VANGL1: variants seen among roughly 807,000 people sequenced by gnomAD.
The protein encoded by VANGL1 is VANGL planar cell polarity protein 1, also known as vang-like protein 1.
In VANGL1, 18 loss-of-function variants were observed where a neutral mutation model predicts 48.4. The ratio of observed to expected loss-of-function variants is 0.37; its 90% CI spans 0.26 to 0.55. VANGL1 has a LOEUF of 0.55. VANGL1 is among the 20% of genes least tolerant of loss of function. The pLI, the probability that VANGL1 is intolerant of heterozygous loss-of-function variation, is 0.81. For missense variants in VANGL1, 667 were observed against 675.8 expected (o/e 0.99, Z 0.14); for synonymous variants, 257 against 261.8 (o/e 0.98, Z 0.18).
At position 115,664,090 on chromosome 1, in the gene VANGL1, C is replaced by T. The variant is rs568821247; in HGVS notation, c.634C>T (p.Arg212Trp). The T allele has an allele frequency of 3.2e-5, 51 of 1,614,124 alleles. No homozygotes were observed. The highest frequency in any genetic ancestry group is 2.0e-4 in the South Asian group (18 of 91,076). Residue 212 changes from arginine to tryptophan, a missense_variant, in exon 4 of 8, where the codon CGG becomes TGG. Transcript: ENST00000355485. ...LFYGVRILDS[R>W]DRNYQGIVQY... ...TTACGGGGTCCGCATTTTGGACTCT[C>T]GGGACCGGAATTACCAGGGCATTGT...
chr1:115,683,014 G>C (rs1438698192), intron 5 of VANGL1, among the ~76,000 whole-genome samples: 8 of 152,222 alleles, frequency 5.3e-5, no homozygotes, highest in Admixed American at 3.3e-4. Flanking sequence ...CAAGAAACAG[G>C]ATGCGGTGTC....
At chr1:115,661,621 G>T (rs1305481475) in intron 3 of VANGL1, among the ~76,000 whole-genome samples, 2 of 151,784 alleles carry the variant, frequency 1.3e-5, no homozygotes, top group Non-Finnish European at 2.9e-5. Context: ...TTTTGTTGTT[G>T]TTTGTTTGTT....
intron 4 of VANGL1, 71 bp downstream of exon 4, chr1:115,664,339 G>A (rs1254408385): frequency 2.2e-5 from 34 of 1,559,790 alleles, no homozygotes; most frequent in African/African-American, 1.1e-4. Flanking sequence ...TCTGTAGCAC[G>A]TGAGGGGTGG....
chr1:115,682,844 A>C (rs919725578), intron 5 of VANGL1, among the ~76,000 whole-genome samples: 3 of 152,186 alleles, frequency 2.0e-5, no homozygotes. Flanking sequence ...AAGCTACCTA[A>C]ATCATTAAGA....
intron 1 of VANGL1, among the ~76,000 whole-genome samples, chr1:115,643,021 T>G (rs1651794112): frequency 6.6e-6 from 1 of 152,236 alleles, no homozygotes; most frequent in Non-Finnish European, 1.5e-5. Flanking sequence ...AAACCAGGTC[T>G]AATGCCCACG....
In VANGL1 at chr1:115,691,715, A is replaced by G; in HGVS notation, c.*336A>G. ...TAATTCCTGCCTTTCGTCCAGTACC[A>G]AGTCCCCCGTTGCTTCTGGTCAGCC... On this transcript the variant is annotated 3_prime_UTR_variant, in exon 8 of 8. Coordinates refer to ENST00000355485, the MANE Select transcript of VANGL1 (RefSeq NM_138959.3). The G allele has an allele frequency of 3.9e-6, 1 of 254,214 alleles. No individual in the cohort carries two copies. Among genetic ancestry groups the G allele is most frequent in the South Asian group, 6.1e-5 (1 of 16,444 alleles). The allele number at this position is 254,214 out of a possible 1,614,324, so 15.7% of individuals were successfully genotyped here.
rs527544531 is a variant in VANGL1, at chr1:115,672,246, A to G, written c.812+7978A>G. Among the ~76,000 whole-genome samples the G allele has an allele frequency of 3.1e-3, 473 of 152,284 alleles. 3 individuals carry two copies. Among genetic ancestry groups the G allele is most frequent in the Middle Eastern group, 0.01 (3 of 294 alleles). On this transcript the variant is annotated intron_variant, in intron 4 of 7. Coordinates refer to ENST00000355485, the MANE Select transcript of VANGL1 (RefSeq NM_138959.3). The stretch of plus-strand genomic sequence containing the variant: ...CTTCCTTGGCGCTCTGGGATTAGAT[A>G]TCCTAGGCTGCCAATCTGCATGTTC...
Position 115,664,182 on chromosome 1 carries a change from G to C in VANGL1, c.726G>C (p.Glu242Asp). 1 of 1,614,070 alleles carries C rather than the reference G, an allele frequency of 6.2e-7. No individual in the cohort carries two copies. Residue 242 changes from glutamate to aspartate, a missense_variant, in exon 4 of 8, where the codon GAG (glutamate) becomes GAC (aspartate). Physicochemically the swap from Glu to Asp is conservative, Grantham distance 45 (BLOSUM62 2). Transcript: ENST00000355485. ...ATTACCTGGCCATCGTCCTGCTGGA[G>C]CTCAGGCAGCTGCAGCCCATGTTCA... Reference protein sequence around the residue: ...FIHYLAIVLLELRQLQPMFTL... With the variant: ...FIHYLAIVLLDLRQLQPMFTL...
chr1:115,657,129 T>G (rs1164415199), intron 2 of VANGL1, among the ~76,000 whole-genome samples: 1 of 152,226 alleles, frequency 6.6e-6, no homozygotes, highest in Non-Finnish European at 1.5e-5. Context: ...TCACAGTGGG[T>G]GCCTTTTGAA....
At chr1:115,662,308 T>C (rs1476377435) in intron 3 of VANGL1, among the ~76,000 whole-genome samples, 1 of 152,350 alleles carries the variant, frequency 6.6e-6, no homozygotes, top group Admixed American at 6.5e-5. Flanking sequence ...AAACTAGCTT[T>C]TTCTAAGTTG....
At chr1:115,660,284 A>G (rs144085870) in intron 3 of VANGL1, among the ~76,000 whole-genome samples, 169 of 152,294 alleles carry the variant, frequency 1.1e-3, no homozygotes, top group African/African-American at 4.0e-3. Context: ...GTTAACAGCA[A>G]TCTGTGCAGT....
intron 4 of VANGL1, among the ~76,000 whole-genome samples, chr1:115,681,969 A>G (rs991427932): frequency 2.6e-5 from 4 of 152,238 alleles, no homozygotes; most frequent in Admixed American, 2.6e-4. Flanking sequence ...TCTTTCACTC[A>G]TTAGCTCTGC....
intron 4 of VANGL1, among the ~76,000 whole-genome samples, chr1:115,679,676 C>T (rs918942504): frequency 4.6e-5 from 7 of 152,224 alleles, no homozygotes; most frequent in Non-Finnish European, 8.8e-5. Flanking sequence ...CTCCTTGCAG[C>T]CTCGCTGAAC....
At position 115,671,659 on chromosome 1, in the gene VANGL1, A is replaced by G. The variant is rs545210609; in HGVS notation, c.812+7391A>G. On this transcript the variant is annotated intron_variant, in intron 4 of 7. Coordinates refer to ENST00000355485, the MANE Select transcript of VANGL1 (RefSeq NM_138959.3). ...GTAATTTAAGACGTGGAGAGAGCAA[A>G]GTTCCCATCCCAGGCAGGGGAGGCG... is the stretch of plus-strand genomic sequence containing the variant. 5.1e-4 allele frequency among the ~76,000 whole-genome samples: 78 copies of G among 152,292 alleles called. 1 individual carries two copies. The highest frequency in any genetic ancestry group is 1.9e-3 in the African/African-American group (78 of 41,558).
chr1:115,672,543 C>T (rs940547448), intron 4 of VANGL1, among the ~76,000 whole-genome samples: 1 of 152,124 alleles, frequency 6.6e-6, no homozygotes, highest in Non-Finnish European at 1.5e-5. Context: ...CAAGCAGAAA[C>T]CTGTGGATCT....
rs114530948 is a variant in VANGL1 at position 115,678,353 on chromosome 1, C to T, written c.813-4011C>T. Among the ~76,000 whole-genome samples the T allele has an allele frequency of 1.3e-3, 202 of 152,254 alleles. 1 individual carries two copies. Among genetic ancestry groups the T allele is most frequent in the African/African-American group, 4.5e-3 (187 of 41,550 alleles). ...GAGGAATGCTGGGCACGGACAGTGG[C>T]GGAGGGAATGGCTGCTCCCTGCATC... On this transcript the variant is annotated intron_variant, in intron 4 of 7. Transcript: ENST00000355485.
At chr1:115,659,838 T>C (rs1652482280) in intron 3 of VANGL1, 65 bp downstream of exon 3, 1 of 1,605,066 alleles carries the variant, frequency 6.2e-7, no homozygotes, top group Non-Finnish European at 8.5e-7. Context: ...TGTAAATGTT[T>C]TCCTTAGGTT....
intron 3 of VANGL1, among the ~76,000 whole-genome samples, chr1:115,661,970 G>T (rs908751517): frequency 2.6e-4 from 39 of 152,160 alleles, no homozygotes; most frequent in African/African-American, 8.7e-4. Flanking sequence ...GAATTGCTGG[G>T]CCATATAGCT....
intron 2 of VANGL1, among the ~76,000 whole-genome samples, chr1:115,656,539 T>TAAGTTTAAGAGGTTTTTA (rs1284035389): frequency 1.3e-5 from 2 of 152,240 alleles, no homozygotes; most frequent in Admixed American, 6.5e-5. Context: ...TGCAGTTTTT[T>TAAGTTTAAGAGGTTTTTA]AAGTTTAAGA....
Sources: gnomAD v4.1 joint callset for allele counts (sites outside exome capture counted in the v4.1 genomes callset) on GRCh38, gnomAD v4.1.1 for gene constraint, MANE v1.5 for transcripts, NCBI Gene and HGNC (gene_info 2026-07-23, HGNC 2026-07-21) for gene names.